The following NRCAM variants were observed in gnomAD, a reference collection of about 807,000 sequenced individuals.
The protein encoded by NRCAM is neuronal cell adhesion molecule, also known as NgCAM-related cell adhesion molecule.
In NRCAM, 83 loss-of-function variants were observed where a neutral mutation model predicts 156.5. That is an observed-to-expected ratio of 0.53 (90% CI 0.44 to 0.64). NRCAM has a LOEUF of 0.64. NRCAM is among the 30% of genes least tolerant of loss of function. The pLI, the probability that NRCAM is intolerant of heterozygous loss-of-function variation, is 0.00. For missense variants in NRCAM, 1,417 were observed against 1,597.3 expected, an observed-to-expected ratio of 0.89 and a Z score of 1.92; for synonymous variants, 538 against 563.9, an observed-to-expected ratio of 0.95 and a Z score of 0.65.
chr7:108,281,547 T>A (rs1028769768), intron 3 of NRCAM, among the ~76,000 whole-genome samples: 3 of 152,204 alleles, frequency 2.0e-5, no homozygotes, highest in Admixed American at 6.5e-5. Context: ...GTGAATTGGA[T>A]CTTGGCAAAA....
intron 32 of NRCAM, among the ~76,000 whole-genome samples, chr7:108,152,727 CAGAGACCGCGCGGCCTGTA>C (rs1338994378): frequency 6.6e-6 from 1 of 152,122 alleles, no homozygotes; most frequent in African/African-American, 2.4e-5. Context: ...AGAGTTGCAG[CAGAGACCGCGCGGCCTGTA>C]AAGTCTAAAA....
At chr7:108,299,308 C>T (rs942738907) in intron 3 of NRCAM, among the ~76,000 whole-genome samples, 9 of 151,646 alleles carry the variant, frequency 5.9e-5, no homozygotes, top group Admixed American at 5.9e-4. Context: ...GGCTCAAGTT[C>T]CTGGGTGACA....
At chr7:108,324,877 CTTTTTTT>C (rs60553976) in intron 2 of NRCAM, among the ~76,000 whole-genome samples, 9 of 82,674 alleles carry the variant, frequency 1.1e-4, no homozygotes, top group Non-Finnish European at 1.6e-4. Flanking sequence ...TGGCACTGTA[CTTTTTTT>C]TTTTTTTTTT....
Position 108,294,950 on chromosome 7 carries a change from C to T in NRCAM, c.-107+17715G>A, listed in dbSNP as rs569670345. Among the ~76,000 whole-genome samples the T allele has an allele frequency of 6.0e-4, 92 of 152,296 alleles. 1 individual carries two copies. The highest frequency in any genetic ancestry group is 2.2e-3 in the African/African-American group (91 of 41,568). On this transcript the variant is annotated intron_variant, in intron 3 of 32. Transcript: ENST00000379028. ...TTAGTATCCCTAAAGTCCACATTTG[C>T]ATCACCACACATGAAAAACGTTTTG...
intron 8 of NRCAM, among the ~76,000 whole-genome samples, chr7:108,229,864 A>C (rs1210101902): frequency 1.3e-5 from 2 of 152,294 alleles, no homozygotes; most frequent in South Asian, 4.1e-4. Flanking sequence ...AGCAACAAAC[A>C]TGCCCTTGAG....
intron 3 of NRCAM, among the ~76,000 whole-genome samples, chr7:108,260,870 G>C (rs957975841): frequency 6.6e-6 from 1 of 152,140 alleles, no homozygotes; most frequent in African/African-American, 2.4e-5. Context: ...CTGGAGGATA[G>C]GCCATTTGGG....
intron 20 of NRCAM, 139 bp downstream of exon 20, chr7:108,189,502 CATAA>C (rs376575386): frequency 1.0e-5 from 6 of 597,162 alleles, no homozygotes; most frequent in African/African-American, 9.6e-5. Flanking sequence ...AGAGGAAGGA[CATAA>C]ATAAATATTT....
chr7:108,334,015 T>C (rs1246976270), intron 2 of NRCAM, among the ~76,000 whole-genome samples: 1 of 152,230 alleles, frequency 6.6e-6, no homozygotes, highest in East Asian at 1.9e-4. Context: ...GTCAACATTA[T>C]GTCACAAATA....
chr7:108,368,224 A>T lies in NRCAM; in HGVS notation c.-174+31212T>A, dbSNP rs868248224. 1.6e-4 allele frequency among the ~76,000 whole-genome samples: 15 copies of T among 91,094 alleles called. 1 individual carries two copies. The South Asian group carries it at 7.1e-3, about 43-fold the overall frequency. The allele number at this position is 91,094 out of a possible 152,430, so 59.8% of individuals were successfully genotyped here. On this transcript the variant is annotated intron_variant, in intron 2 of 32. Transcript: ENST00000379028. ...CAGCCACGTGGAATCACACTTTCAT[A>T]CCCCCCCCCACCCCCCCGCCTGCTC...
chr7:108,327,854 A>G (rs1057467281), intron 2 of NRCAM, among the ~76,000 whole-genome samples: 5 of 152,202 alleles, frequency 3.3e-5, no homozygotes, highest in Non-Finnish European at 7.3e-5. Flanking sequence ...AAGATACATG[A>G]GTAAAGTTTA....
At chr7:108,314,477 A>G (rs2098856520) in intron 2 of NRCAM, among the ~76,000 whole-genome samples, 1 of 152,192 alleles carries the variant, frequency 6.6e-6, no homozygotes. Context: ...AAAGGTCAAG[A>G]TAAGATTTGA....
intron 3 of NRCAM, among the ~76,000 whole-genome samples, chr7:108,310,070 G>C (rs1185188136): frequency 6.6e-6 from 1 of 152,032 alleles, no homozygotes; most frequent in Non-Finnish European, 1.5e-5. Flanking sequence ...AAAGTCCAAG[G>C]GAAAGAACAA....
chr7:108,218,461 C>A (rs2090665266), intron 11 of NRCAM, among the ~76,000 whole-genome samples: 1 of 152,034 alleles, frequency 6.6e-6, no homozygotes, highest in South Asian at 2.1e-4. Context: ...TGATAGGCCA[C>A]AAAATGAGCC....
At chr7:108,450,724 T>C (rs1473610282) in intron 1 of NRCAM, among the ~76,000 whole-genome samples, 1 of 152,198 alleles carries the variant, frequency 6.6e-6, no homozygotes, top group Non-Finnish European at 1.5e-5. Context: ...CATGAATGTA[T>C]GCCATCAATG....
At chr7:108,404,633 C>T (rs2099802302) in intron 1 of NRCAM, among the ~76,000 whole-genome samples, 1 of 152,164 alleles carries the variant, frequency 6.6e-6, no homozygotes, top group African/African-American at 2.4e-5. Flanking sequence ...AGTGCTTACT[C>T]CATCCTAAAT....
At chr7:108,437,877 TTAAG>T (rs1362858009) in intron 1 of NRCAM, among the ~76,000 whole-genome samples, 11 of 152,070 alleles carry the variant, frequency 7.2e-5, no homozygotes, top group African/African-American at 2.4e-4. Flanking sequence ...TTTATTAGAA[TTAAG>T]TTAGTATTAT....
intron 1 of NRCAM, among the ~76,000 whole-genome samples, chr7:108,454,214 C>T (rs34218460): frequency 0.25 from 37,732 of 152,108 alleles, 5,010 homozygotes; most frequent in Non-Finnish European, 0.29. Context: ...TTCTCTGAAT[C>T]ACAATATTGC....
chr7:108,240,150 A>C lies in NRCAM; in HGVS notation c.-86T>G. On this transcript the variant is annotated 5_prime_UTR_variant, in exon 4 of 33. It removes the in-frame stop codon of an upstream open reading frame in the 5' UTR. Transcript: ENST00000379028. Reference sequence around the variant, plus strand: ...TTGTGAAACGTTGTGTGCAACGTTTAAGTAATTTTCATGCGGGAAACTGAA... The same window carrying C: ...TTGTGAAACGTTGTGTGCAACGTTTCAGTAATTTTCATGCGGGAAACTGAA... 5 of 861,644 alleles carry C rather than the reference A, an allele frequency of 5.8e-6. No homozygotes were observed. The highest frequency in any genetic ancestry group is 9.5e-6 in the Non-Finnish European group (5 of 525,160). The allele number at this position is 861,644 out of a possible 1,614,324, so 53.4% of individuals were successfully genotyped here. A position where few individuals can be genotyped will look rare whatever the true frequency, so the allele number is the denominator to read the frequency against.
intron 3 of NRCAM, among the ~76,000 whole-genome samples, chr7:108,248,135 T>C (rs1324883158): frequency 6.6e-6 from 1 of 152,146 alleles, no homozygotes; most frequent in Admixed American, 6.5e-5. Flanking sequence ...ACTGAGAAGA[T>C]GTAAGGATTG....
Sources: gnomAD v4.1 joint callset for allele counts (sites outside exome capture counted in the v4.1 genomes callset) on GRCh38, gnomAD v4.1.1 for gene constraint, MANE v1.5 for transcripts, NCBI Gene and HGNC (gene_info 2026-07-23, HGNC 2026-07-21) for gene names.